Variants in NBEA observed in about 807,000 individuals in gnomAD.
The protein encoded by NBEA is lysosomal-trafficking regulator 2.
In NBEA, 44 loss-of-function variants were observed where a neutral mutation model predicts 343.4. The observed-to-expected ratio is 0.13, with a 90% CI of 0.10 to 0.16. The LOEUF (loss-of-function observed/expected upper bound fraction) is 0.16. Among genes scored for constraint, NBEA ranks in the 10% least tolerant of loss-of-function variants. The pLI is 1.00. For missense variants in NBEA, 2,555 were observed against 3,631.3 expected (o/e 0.70, Z 7.62); for synonymous variants, 1,175 against 1,238.7 (o/e 0.95, Z 1.08).
chr13:35,588,298 G>C (rs1488067650), intron 46 of NBEA, among the ~76,000 whole-genome samples: 1 of 152,056 alleles, frequency 6.6e-6, no homozygotes, highest in Non-Finnish European at 1.5e-5. Context: ...GGTTTACTAA[G>C]TATTTATCCT....
intron 53 of NBEA, 134 bp downstream of exon 53, chr13:35,652,010 A>AG: frequency 1.6e-6 from 1 of 643,550 alleles, no homozygotes; most frequent in South Asian, 2.2e-5. Context: ...ATTATCATCA[A>AG]GGAGCTGTGT....
intron 34 of NBEA, among the ~76,000 whole-genome samples, chr13:35,266,316 T>C (rs2033672334): frequency 6.6e-6 from 1 of 151,846 alleles, no homozygotes; most frequent in Non-Finnish European, 1.5e-5. Context: ...TACCATATGA[T>C]CTAGCAGTTT....
intron 38 of NBEA, among the ~76,000 whole-genome samples, chr13:35,359,603 T>G (rs2040693165): frequency 2.0e-5 from 3 of 152,160 alleles, no homozygotes; most frequent in Admixed American, 1.3e-4. Context: ...GCATTTGAAT[T>G]AATAATATTG....
rs143222044 is a variant in NBEA, at chr13:35,173,359, T to G, written c.4424-105T>G. Reference sequence around the variant, plus strand: ...AGTTGATTTTAAGATTAATAGTTTATGAAGCAAGGGGAAAGAAAGGGAAGA... The same window carrying G: ...AGTTGATTTTAAGATTAATAGTTTAGGAAGCAAGGGGAAAGAAAGGGAAGA... On this transcript the variant is annotated intron_variant, in intron 26 of 58. Coordinates refer to ENST00000379939, the MANE Select transcript of NBEA (RefSeq NM_001385012.1). 4.2e-4 allele frequency: 430 copies of G among 1,029,766 alleles called. 4 individuals are homozygous for G. In the East Asian group the frequency reaches 0.012, roughly 28 times the overall value. The allele number at this position is 1,029,766 out of a possible 1,614,324, so 63.8% of individuals were successfully genotyped here. A position where few individuals can be genotyped will look rare whatever the true frequency, so the allele number is the denominator to read the frequency against.
At chr13:35,422,148 TA>T (rs1308812607) in intron 38 of NBEA, among the ~76,000 whole-genome samples, 9 of 151,248 alleles carry the variant, frequency 6.0e-5, no homozygotes, top group African/African-American at 2.2e-4. Context: ...CTTTTTTTTT[TA>T]ATTTTATTAT....
At chr13:35,118,750 C>T (rs930896221) in intron 16 of NBEA, among the ~76,000 whole-genome samples, 4 of 150,858 alleles carry the variant, frequency 2.7e-5, no homozygotes, top group African/African-American at 7.3e-5. Context: ...CAAGAAGACA[C>T]GAAAAAGCAA....
intron 36 of NBEA, among the ~76,000 whole-genome samples, chr13:35,329,634 A>T: frequency 6.6e-6 from 1 of 152,038 alleles, no homozygotes; most frequent in East Asian, 1.9e-4. Flanking sequence ...ATTCTATAAA[A>T]GACAAAATTA....
intron 45 of NBEA, among the ~76,000 whole-genome samples, chr13:35,573,566 T>G (rs1186813314): frequency 1.3e-5 from 2 of 152,172 alleles, no homozygotes; most frequent in African/African-American, 2.4e-5. Context: ...ATACAGAACT[T>G]CCAAAGCAGT....
Position 35,167,011 on chromosome 13 carries a change from T to C in NBEA, c.4234-1976T>C, listed in dbSNP as rs892089475. 1.3e-4 allele frequency among the ~76,000 whole-genome samples: 20 copies of C among 152,188 alleles called. No homozygotes were observed. The East Asian group carries it at 2.7e-3, about 21-fold the overall frequency. ...GAAGAGAGATGGAAACATTTGAAAC[T>C]AAGGTTTGAGTGAGCTGGTAATTTT... On this transcript the variant is annotated intron_variant, in intron 24 of 58. Transcript: ENST00000379939.
chr13:35,378,880 A>G (rs970499994), intron 38 of NBEA, among the ~76,000 whole-genome samples: 1 of 152,128 alleles, frequency 6.6e-6, no homozygotes, highest in Non-Finnish European at 1.5e-5. Context: ...ACATTTATAA[A>G]TGTAGATGGA....
intron 18 of NBEA, among the ~76,000 whole-genome samples, chr13:35,152,554 A>G (rs2068861410): frequency 6.6e-6 from 1 of 152,210 alleles, no homozygotes; most frequent in African/African-American, 2.4e-5. Flanking sequence ...TGCATCAGAA[A>G]GATAGCTTCA....
intron 30 of NBEA, chr13:35,185,988 C>G (rs2071675244): frequency 6.6e-6 from 1 of 151,990 alleles, no homozygotes; most frequent in Non-Finnish European, 1.5e-5. Flanking sequence ...TACACAATTT[C>G]TGTGATATGT....
chr13:34,973,093 C>A (rs1006765636), intron 1 of NBEA, among the ~76,000 whole-genome samples: 1 of 151,994 alleles, frequency 6.6e-6, no homozygotes, highest in Non-Finnish European at 1.5e-5. Flanking sequence ...TTAGTCATTT[C>A]GGGTTTTCCA....
intron 38 of NBEA, among the ~76,000 whole-genome samples, chr13:35,425,821 C>G (rs554755164): frequency 6.6e-5 from 10 of 152,316 alleles, no homozygotes; most frequent in African/African-American, 1.7e-4. Flanking sequence ...CTTTATGAAT[C>G]TGGGTGCTCC....
At chr13:35,482,712 T>A (rs1006283068) in intron 41 of NBEA, among the ~76,000 whole-genome samples, 25 of 151,756 alleles carry the variant, frequency 1.6e-4, no homozygotes, top group African/African-American at 5.6e-4. Context: ...GATATGTCTG[T>A]GAAATTTATT....
At chr13:35,360,023 C>G (rs557215255) in intron 38 of NBEA, among the ~76,000 whole-genome samples, 1 of 151,902 alleles carries the variant, frequency 6.6e-6, no homozygotes, top group African/African-American at 2.4e-5. Flanking sequence ...ATTATTTTTT[C>G]TATTTTACGG....
chr13:35,404,616 GGGGGGA>G (rs2043174236), intron 38 of NBEA, among the ~76,000 whole-genome samples: 1 of 108,452 alleles, frequency 9.2e-6, no homozygotes, highest in African/African-American at 3.5e-5. Flanking sequence ...GGTGGGGGGA[GGGGGGA>G]GGGATAGCTT....
chr13:35,045,653 T>C (rs1260594974), intron 4 of NBEA, among the ~76,000 whole-genome samples: 3 of 152,166 alleles, frequency 2.0e-5, no homozygotes, highest in African/African-American at 7.2e-5. Context: ...TGTATTCCTA[T>C]AGTTTTGCCT....
At chr13:35,003,784 AATTTT>A (rs1566149244) in intron 1 of NBEA, among the ~76,000 whole-genome samples, 2 of 151,974 alleles carry the variant, frequency 1.3e-5, no homozygotes. Context: ...AAGAAAATTT[AATTTT>A]ATTTTAAGTT....
Sources: allele counts gnomAD v4.1 joint callset (sites outside exome capture counted in the v4.1 genomes callset), GRCh38; gene constraint gnomAD v4.1.1; transcripts MANE v1.5; gene names NCBI Gene and HGNC (gene_info 2026-07-23, HGNC 2026-07-21).